Variants in ZNF229 observed in about 807,000 individuals in gnomAD.
The protein encoded by ZNF229 is zinc finger protein 229.
A neutral mutation model predicts 11.8 loss-of-function variants in ZNF229; 10 were observed. The observed-to-expected ratio is 0.85, with a 90% CI of 0.52 to 1.44. The LOEUF (loss-of-function observed/expected upper bound fraction) is 1.44. ZNF229 is among the 40% of genes most tolerant of loss of function. ZNF229 has a pLI of 0.00. For missense variants in ZNF229, 1,045 were observed against 1,015.1 expected (o/e 1.03, Z -0.40); for synonymous variants, 368 against 374.8 (o/e 0.98, Z 0.21).
intron 5 of ZNF229, 161 bp downstream of exon 5, chr19:44,432,061 C>CAGA: frequency 7.4e-7 from 1 of 1,351,668 alleles, no homozygotes; most frequent in Non-Finnish European, 9.6e-7. Flanking sequence ...CTGTGCCTTC[C>CAGA]AGAAATAAAC....
chr19:44,430,233 G>C lies in ZNF229; in HGVS notation c.548C>G (p.Pro183Arg), dbSNP rs1051388578. 1 of 1,614,052 alleles carries C rather than the reference G, an allele frequency of 6.2e-7. No homozygotes were observed. Among genetic ancestry groups the C allele is most frequent in the Non-Finnish European group, 8.5e-7 (1 of 1,180,028 alleles). ...CGCTTTTGCCCAAGATCCTTGAATGGGGATTGGTCTTATAGCTCTCCAGGC... is the reference window on the plus strand; with the variant it reads ...CGCTTTTGCCCAAGATCCTTGAATGCGGATTGGTCTTATAGCTCTCCAGGC... The part of the protein sequence containing the change: ...FPAWRAIRPI[P>R]IQGSWAKAFV... Residue 183 changes from proline (P) to arginine (R), a missense_variant, in exon 6 of 6, where the codon CCC becomes CGC. By Grantham distance (103) the Pro-to-Arg change is moderately radical. Coordinates refer to ENST00000614049, the MANE Select transcript of ZNF229 (RefSeq NM_014518.4).
rs756860612 is a variant in ZNF229 at position 44,428,987 on chromosome 19, C to T, written c.1794G>A (p.Arg598=). 53 of 1,612,542 alleles carry T rather than the reference C, an allele frequency of 3.3e-5. No individual in the cohort carries two copies. The highest frequency in any genetic ancestry group is 4.2e-5 in the Non-Finnish European group (50 of 1,179,392). Residue 598 remains arginine (R), a synonymous_variant, in exon 6 of 6, where the codon AGG becomes AGA. Transcript: ENST00000614049. ...TCCCACACACGTCACACACGTAGGG[C>T]CTCTCTCCCGTGTGGACCCTCTGGT... ...HSHQRVHTGE[R]PYVCDVCGKG...
chr19:44,441,058 T>C (rs914546532), intron 4 of ZNF229, among the ~76,000 whole-genome samples: 1 of 152,118 alleles, frequency 6.6e-6, no homozygotes, highest in African/African-American at 2.4e-5. Context: ...GAGGATACTA[T>C]AGCCAAGTCT....
intron 4 of ZNF229, among the ~76,000 whole-genome samples, chr19:44,436,098 C>G (rs1281180980): frequency 6.6e-6 from 1 of 152,152 alleles, no homozygotes; most frequent in African/African-American, 2.4e-5. Context: ...ACATTGGAGG[C>G]CACTGCAATA....
Position 44,428,173 on chromosome 19 carries a change from A to C in ZNF229, c.*130T>G. On this transcript the variant is annotated 3_prime_UTR_variant, in exon 6 of 6. Transcript: ENST00000614049. ...ATCCAGGTGTTCCCTTCCTATGCAG[A>C]CTAGAAAATGTAAAATCATCAGTTT... 9.6e-7 allele frequency: 1 copy of C among 1,039,502 alleles called. No homozygotes were observed. Among genetic ancestry groups the C allele is most frequent in the Non-Finnish European group, 1.4e-6 (1 of 723,868 alleles). The allele number at this position is 1,039,502 out of a possible 1,614,324, so 64.4% of individuals were successfully genotyped here.
intron 4 of ZNF229, among the ~76,000 whole-genome samples, chr19:44,441,576 A>G (rs1971909936): frequency 6.6e-6 from 1 of 152,200 alleles, no homozygotes; most frequent in Non-Finnish European, 1.5e-5. Context: ...ATCGCTTGAT[A>G]GCAGCTTAGA....
At chr19:44,432,701 G>A (rs1197157824) in intron 4 of ZNF229, among the ~76,000 whole-genome samples, 2 of 151,394 alleles carry the variant, frequency 1.3e-5, no homozygotes, top group African/African-American at 2.4e-5. Flanking sequence ...GGGGTGGGGG[G>A]AGTGGGGAGG....
At chr19:44,446,828 A>C (rs1304716752) in intron 2 of ZNF229, among the ~76,000 whole-genome samples, 2 of 152,134 alleles carry the variant, frequency 1.3e-5, no homozygotes, top group Non-Finnish European at 2.9e-5. Flanking sequence ...AACATGATAG[A>C]TTCCTGTTTT....
intron 4 of ZNF229, 124 bp from the exon 5 acceptor site, chr19:44,432,490 C>A: frequency 7.4e-7 from 1 of 1,350,704 alleles, no homozygotes; most frequent in Non-Finnish European, 9.9e-7. Flanking sequence ...ACATATACAC[C>A]ATGGAATACT....
rs776066679 is a variant in ZNF229 at position 44,430,039 on chromosome 19, C to A, written c.742G>T (p.Asp248Tyr). 1.9e-5 allele frequency: 30 copies of A among 1,614,032 alleles called. No homozygotes were observed. Among genetic ancestry groups the A allele is most frequent in the African/African-American group, 9.4e-5 (7 of 74,864 alleles). Residue 248 changes from aspartate (D) to tyrosine (Y), a missense_variant, in exon 6 of 6, where the codon GAC (aspartate) becomes TAC (tyrosine). Asp to Tyr is a radical substitution (Grantham distance 160). Transcript: ENST00000614049. ...KPCGCNKCRK[D>Y]CIKNSVLHRI... The stretch of plus-strand genomic sequence containing the variant: ...TGAAGTACAGAGTTTTTAATGCAGT[C>A]TTTTCTGCATTTATTGCAACCACAC...
chr19:44,438,020 A>C (rs562316766), intron 4 of ZNF229, among the ~76,000 whole-genome samples: 3 of 152,316 alleles, frequency 2.0e-5, no homozygotes, highest in Admixed American at 1.3e-4. Flanking sequence ...AATAGGCATT[A>C]GGCTTATTGC....
intron 2 of ZNF229, among the ~76,000 whole-genome samples, chr19:44,445,304 C>G (rs1276807170): frequency 6.8e-6 from 1 of 146,018 alleles, no homozygotes; most frequent in Non-Finnish European, 1.5e-5. Context: ...TCCTACACAG[C>G]AGCTGGAGTG....
chr19:44,438,298 A>T (rs982568219), intron 4 of ZNF229, among the ~76,000 whole-genome samples: 1 of 152,262 alleles, frequency 6.6e-6, no homozygotes, highest in Non-Finnish European at 1.5e-5. Context: ...AGTGCTTATC[A>T]TGTTTACAAT....
chr19:44,427,589 G>C lies in ZNF229; in HGVS notation c.*714C>G, dbSNP rs1219067210. On this transcript the variant is annotated 3_prime_UTR_variant, in exon 6 of 6. Transcript: ENST00000614049. ...AATTAACCTATAAATTCAATGCAAT[G>C]CCAATTAATAAATTTATTTAATTAA... is the stretch of plus-strand genomic sequence containing the variant. 1.3e-5 allele frequency: 2 copies of C among 151,882 alleles called. No homozygotes were observed. Among genetic ancestry groups the C allele is most frequent in the Admixed American group, 6.6e-5 (1 of 15,264 alleles). The allele number at this position is 151,882 out of a possible 1,614,324, so 9.4% of individuals were successfully genotyped here. A position where few individuals can be genotyped will look rare whatever the true frequency, so the allele number is the denominator to read the frequency against.
intron 5 of ZNF229, chr19:44,431,847 G>A (rs796628394): frequency 2.0e-6 from 2 of 977,870 alleles, no homozygotes; most frequent in Non-Finnish European, 2.4e-6. Context: ...AAATCCCAAC[G>A]TGATACCATT....
At chr19:44,441,230 G>A (rs1030475842) in intron 4 of ZNF229, among the ~76,000 whole-genome samples, 10 of 152,024 alleles carry the variant, frequency 6.6e-5, no homozygotes, top group South Asian at 4.1e-4. Flanking sequence ...TTATGGTGAC[G>A]AATCAGAAGA....
At chr19:44,436,138 G>A (rs977300402) in intron 4 of ZNF229, among the ~76,000 whole-genome samples, 6 of 152,130 alleles carry the variant, frequency 3.9e-5, no homozygotes, top group East Asian at 1.9e-4. Context: ...GCCCGGACTC[G>A]GACATGGGAG....
In ZNF229 at chr19:44,442,920, CAGA is replaced by C; in HGVS notation, c.-76_-74del. Reference sequence around the variant, plus strand: ...CTCTGGTTTTCCTAAGCTGGAGACGCAGAAGATCCAGGCCTTTTTCATTCCGGA... The same window carrying C: ...CTCTGGTTTTCCTAAGCTGGAGACGCAGATCCAGGCCTTTTTCATTCCGGA... On this transcript the variant is annotated 5_prime_UTR_variant, in exon 3 of 6. Transcript: ENST00000614049. 1 of 1,553,408 alleles carries C rather than the reference CAGA, an allele frequency of 6.4e-7. No homozygotes were observed. Among genetic ancestry groups the C allele is most frequent in the East Asian group, 2.2e-5 (1 of 44,698 alleles).
At chr19:44,436,308 G>A (rs1600021896) in intron 4 of ZNF229, among the ~76,000 whole-genome samples, 1 of 151,886 alleles carries the variant, frequency 6.6e-6, no homozygotes, top group South Asian at 2.1e-4. Context: ...GCTGCAGTGA[G>A]CTGAGAACGT....
Sources: allele counts gnomAD v4.1 joint callset (sites outside exome capture counted in the v4.1 genomes callset), GRCh38; gene constraint gnomAD v4.1.1; transcripts MANE v1.5; gene names NCBI Gene and HGNC (gene_info 2026-07-23, HGNC 2026-07-21).